Variants in CMTM6 observed in about 807,000 individuals in gnomAD.
The protein encoded by CMTM6 is CKLF-like MARVEL transmembrane domain-containing protein 6.
Under a neutral mutation model 13.6 loss-of-function variants are expected in CMTM6, and 5 were observed. The ratio of observed to expected loss-of-function variants is 0.37; its 90% confidence interval spans 0.19 to 0.77. The LOEUF (loss-of-function observed/expected upper bound fraction) is 0.77, where lower values mean the gene tolerates loss of function less well. Ranked by LOEUF, CMTM6 falls within the 30% of genes least tolerant of loss-of-function variation. The pLI is 0.50. For synonymous variants in CMTM6, 99 were observed against 84.5 expected (o/e 1.17, Z -0.94); for missense variants, 196 against 218.6 (o/e 0.90, Z 0.65).
chr3:32,498,729 G>A (rs894568032), intron 1 of CMTM6, among the ~76,000 whole-genome samples: 5 of 150,868 alleles, frequency 3.3e-5, no homozygotes, highest in Non-Finnish European at 5.9e-5. Flanking sequence ...ACAGGTGCAC[G>A]CCACAATACC....
At chr3:32,490,237 CT>C (rs1697239963) in intron 2 of CMTM6, among the ~76,000 whole-genome samples, 2 of 148,136 alleles carry the variant, frequency 1.4e-5, no homozygotes, top group Admixed American at 1.3e-4. Context: ...CACAGCAAGA[CT>C]TCTCAAAAAA....
At chr3:32,497,789 C>T (rs1446137812) in intron 1 of CMTM6, among the ~76,000 whole-genome samples, 1 of 148,400 alleles carries the variant, frequency 6.7e-6, no homozygotes, top group African/African-American at 2.5e-5. Flanking sequence ...ACCTGGGAGG[C>T]AGAGGTTGCA....
chr3:32,491,966 C>T (rs1443880881), intron 1 of CMTM6, 80 bp from the exon 2 acceptor site: 14 of 1,152,980 alleles, frequency 1.2e-5, no homozygotes, highest in South Asian at 5.0e-5. Flanking sequence ...CTGAATAATA[C>T]GTTTACTCAA....
At chr3:32,499,087 A>G (rs1194117735) in intron 1 of CMTM6, among the ~76,000 whole-genome samples, 1 of 152,236 alleles carries the variant, frequency 6.6e-6, no homozygotes, top group Non-Finnish European at 1.5e-5. Context: ...AGTTATAAGT[A>G]AAGTTCAAAT....
intron 1 of CMTM6, among the ~76,000 whole-genome samples, chr3:32,498,631 G>A (rs868609310): frequency 4.6e-4 from 58 of 125,598 alleles, no homozygotes; most frequent in African/African-American, 1.6e-3. Context: ...ATGGAGTCTC[G>A]CTCTGTTGCC....
intron 2 of CMTM6, among the ~76,000 whole-genome samples, chr3:32,488,704 A>T (rs747653680): frequency 9.9e-5 from 15 of 152,204 alleles, no homozygotes; most frequent in Non-Finnish European, 1.8e-4. Flanking sequence ...CCAAGTGGGT[A>T]ATCTACAGTG....
intron 2 of CMTM6, among the ~76,000 whole-genome samples, chr3:32,490,439 T>C (rs1559424449): frequency 6.6e-6 from 1 of 152,154 alleles, no homozygotes; most frequent in South Asian, 2.1e-4. Flanking sequence ...AAGTAGAATA[T>C]ATGTTCTATG....
At chr3:32,498,202 C>A (rs1697312671) in intron 1 of CMTM6, among the ~76,000 whole-genome samples, 1 of 152,022 alleles carries the variant, frequency 6.6e-6, no homozygotes, top group Non-Finnish European at 1.5e-5. Context: ...TCAGGAGGGC[C>A]CTTAGCGGAT....
At chr3:32,498,436 T>C (rs1559425981) in intron 1 of CMTM6, among the ~76,000 whole-genome samples, 3 of 152,326 alleles carry the variant, frequency 2.0e-5, no homozygotes, top group South Asian at 2.1e-4. Context: ...GTTCTGTATA[T>C]TTCCTTTAAT....
rs372568653 is a variant in CMTM6, at chr3:32,488,050, C to A, written c.316-14G>T. On this transcript the variant is annotated splice_polypyrimidine_tract_variant and intron_variant, in intron 2 of 3. Transcript: ENST00000205636. The stretch of plus-strand genomic sequence containing the variant: ...AATATAAAAATCCTATGCATACATA[C>A]AAAACACAAAAGGAATACAATACAG... 2 of 1,526,444 alleles carry A rather than the reference C, an allele frequency of 1.3e-6. No individual in the cohort carries two copies. The highest frequency in any genetic ancestry group is 1.8e-6 in the Non-Finnish European group (2 of 1,103,960). 94.6% of individuals were successfully genotyped at this position (1,526,444 alleles called of 1,614,324 possible). A position where few individuals can be genotyped will look rare whatever the true frequency, so the allele number is the denominator to read the frequency against.
chr3:32,501,466 G>C (rs1437031145), intron 1 of CMTM6, among the ~76,000 whole-genome samples: 1 of 152,130 alleles, frequency 6.6e-6, no homozygotes, highest in Non-Finnish European at 1.5e-5. Flanking sequence ...GAAAGATAAG[G>C]CCAGATCCTA....
chr3:32,498,208 C>T (rs1034848777), intron 1 of CMTM6, among the ~76,000 whole-genome samples: 2 of 152,110 alleles, frequency 1.3e-5, no homozygotes, highest in Admixed American at 6.6e-5. Context: ...GGGCCCTTAG[C>T]GGATATAGTC....
In CMTM6 at chr3:32,481,370, T is replaced by G. The variant is rs1030170698; in HGVS notation, c.*2590A>C. The G allele has an allele frequency of 6.1e-5, 9 of 146,938 alleles. No individual in the cohort carries two copies. The highest frequency in any genetic ancestry group is 2.0e-4 in the East Asian group (1 of 5,100). The allele number at this position is 146,938 out of a possible 1,614,324, so 9.1% of individuals were successfully genotyped here. On this transcript the variant is annotated 3_prime_UTR_variant, in exon 4 of 4. Transcript: ENST00000205636. ...CTATAAAATCTGACATCAAGAGAGATAAAAAAAAAAGACCCATAAGATTTA... is the reference window on the plus strand; with the variant it reads ...CTATAAAATCTGACATCAAGAGAGAGAAAAAAAAAAGACCCATAAGATTTA...
intron 1 of CMTM6, among the ~76,000 whole-genome samples, chr3:32,499,748 T>C (rs1205975671): frequency 6.6e-6 from 1 of 152,094 alleles, no homozygotes; most frequent in Non-Finnish European, 1.5e-5. Context: ...TTAGGTCATA[T>C]CTAAATGGCA....
chr3:32,500,103 C>T (rs1216190081), intron 1 of CMTM6, among the ~76,000 whole-genome samples: 4 of 152,104 alleles, frequency 2.6e-5, no homozygotes, highest in Non-Finnish European at 5.9e-5. Flanking sequence ...TATAAGTGTA[C>T]AATATTTTGA....
intron 1 of CMTM6, among the ~76,000 whole-genome samples, chr3:32,499,410 G>A (rs1443748041): frequency 6.6e-6 from 1 of 152,160 alleles, no homozygotes; most frequent in Non-Finnish European, 1.5e-5. Flanking sequence ...CCAGTACTGT[G>A]CAGCTATCAG....
In CMTM6 at chr3:32,483,809, A is replaced by G; in HGVS notation, c.*151T>C. 1.4e-6 allele frequency: 1 copy of G among 733,580 alleles called. No individual in the cohort carries two copies. Among genetic ancestry groups the G allele is most frequent in the Non-Finnish European group, 2.0e-6 (1 of 503,500 alleles). 45.4% of individuals were successfully genotyped at this position (733,580 alleles called of 1,614,324 possible). A position where few individuals can be genotyped will look rare whatever the true frequency, so the allele number is the denominator to read the frequency against. On this transcript the variant is annotated 3_prime_UTR_variant, in exon 4 of 4. Transcript: ENST00000205636. ...TCTGGCCTACTTTGTGGTGACTGAC[A>G]CAATATTGATAAAACTGCCTTCTTG...
At chr3:32,499,695 AG>A (rs1164568854) in intron 1 of CMTM6, among the ~76,000 whole-genome samples, 4 of 152,192 alleles carry the variant, frequency 2.6e-5, no homozygotes, top group Non-Finnish European at 4.4e-5. Context: ...AAGCTCTGGA[AG>A]GGTGGATGGT....
At chr3:32,489,752 A>T (rs1697235493) in intron 2 of CMTM6, among the ~76,000 whole-genome samples, 1 of 152,134 alleles carries the variant, frequency 6.6e-6, no homozygotes, top group Non-Finnish European at 1.5e-5. Context: ...AATTTATTAC[A>T]TATAAATATA....
Sources: gnomAD v4.1 joint callset for allele counts (sites outside exome capture counted in the v4.1 genomes callset) on GRCh38, gnomAD v4.1.1 for gene constraint, MANE v1.5 for transcripts, NCBI Gene and HGNC (gene_info 2026-07-23, HGNC 2026-07-21) for gene names.